RB1: variants seen among roughly 807,000 people sequenced by gnomAD.
The protein encoded by RB1 is retinoblastoma-associated protein.
RB1 carries 18 observed loss-of-function variants against 135.4 expected under a neutral mutation model. The observed-to-expected ratio is 0.13, with a 90% CI of 0.09 to 0.20. The LOEUF (loss-of-function observed/expected upper bound fraction) is 0.20, where lower values mean the gene tolerates loss of function less well. Ranked by LOEUF, RB1 falls within the 10% of genes least tolerant of loss-of-function variation. RB1 has a pLI of 1.00. For synonymous variants in RB1, 365 were observed against 373.2 expected, an observed-to-expected ratio of 0.98 and a Z score of 0.25; for missense variants, 868 against 1,110.0, an observed-to-expected ratio of 0.78 and a Z score of 3.10.
chr13:48,473,712 A>AT (rs1949486808), intron 24 of RB1, among the ~76,000 whole-genome samples: 3 of 152,022 alleles, frequency 2.0e-5, no homozygotes, highest in Admixed American at 2.0e-4. Flanking sequence ...AATGTGTGAG[A>AT]TTTTTTTCTC....
chr13:48,383,319 A>G (rs2138148410), intron 17 of RB1, among the ~76,000 whole-genome samples: 2 of 152,228 alleles, frequency 1.3e-5, no homozygotes, highest in East Asian at 3.8e-4. Flanking sequence ...ACTATTGATA[A>G]GGCTTTTGTT....
intron 17 of RB1, among the ~76,000 whole-genome samples, chr13:48,392,007 T>A (rs1052044407): frequency 2.6e-5 from 4 of 152,254 alleles, no homozygotes; most frequent in Non-Finnish European, 5.9e-5. Context: ...CCTTTATTTT[T>A]AAAAGGTCTT....
At chr13:48,344,340 C>T (rs1467669208) in intron 3 of RB1, among the ~76,000 whole-genome samples, 1 of 152,108 alleles carries the variant, frequency 6.6e-6, no homozygotes, top group African/African-American at 2.4e-5. Context: ...GAGGGTGCCA[C>T]AGGGCCCAGA....
intron 2 of RB1, among the ~76,000 whole-genome samples, chr13:48,329,969 A>C (rs1952318855): frequency 6.6e-6 from 1 of 152,190 alleles, no homozygotes; most frequent in Admixed American, 6.5e-5. Context: ...GATTGAGATA[A>C]TATCAAGCAT....
At chr13:48,322,275 A>G (rs777275915) in intron 2 of RB1, among the ~76,000 whole-genome samples, 11 of 152,186 alleles carry the variant, frequency 7.2e-5, no homozygotes, top group Non-Finnish European at 1.5e-4. Flanking sequence ...TTGTTTATAT[A>G]TACTACATTT....
At position 48,435,576 on chromosome 13, in the gene RB1, A is replaced by T. The variant is rs117454225; in HGVS notation, c.1696-17417A>T. On this transcript the variant is annotated intron_variant, in intron 17 of 26. Transcript: ENST00000267163. ...ATCCAAAAGTTTTTAATTTTCATAA[A>T]GTCCAGTTTATCACTTTTTCCTTTT... is the stretch of plus-strand genomic sequence containing the variant. Among the ~76,000 whole-genome samples, 845 of 152,276 alleles carry T rather than the reference A, an allele frequency of 5.5e-3. 5 individuals are homozygous for T. The highest frequency in any genetic ancestry group is 0.01 in the Middle Eastern group (3 of 294).
At chr13:48,308,816 G>T (rs1452904422) in intron 2 of RB1, among the ~76,000 whole-genome samples, 1 of 152,048 alleles carries the variant, frequency 6.6e-6, no homozygotes, top group African/African-American at 2.4e-5. Flanking sequence ...CTTGACCAAG[G>T]TCCCTAGGAA....
In RB1 at chr13:48,459,709, G is replaced by A. The variant is rs750578651; in HGVS notation, c.1982G>A (p.Arg661Gln). 3.7e-6 allele frequency: 6 copies of A among 1,613,604 alleles called. No individual in the cohort carries two copies. Among genetic ancestry groups the A allele is most frequent in the African/African-American group, 2.7e-5 (2 of 74,720 alleles). ...ACAGTGTATCGGCTAGCCTATCTCC[G>A]GCTAAATACACTTTGTGAACGCCTT... ...YKKVYRLAYL[R>Q]LNTLCERLLS... Residue 661 changes from arginine to glutamine, a missense_variant, in exon 20 of 27, where the codon CGG (arginine) becomes CAG (glutamine). By Grantham distance (43) the Arg-to-Gln change is conservative. Transcript: ENST00000267163.
At chr13:48,308,418 C>T (rs1014989259) in intron 2 of RB1, among the ~76,000 whole-genome samples, 5 of 151,992 alleles carry the variant, frequency 3.3e-5, no homozygotes, top group Admixed American at 6.6e-5. Context: ...CTTTGGGAGG[C>T]CCAGGCAGGT....
intron 9 of RB1, among the ~76,000 whole-genome samples, chr13:48,366,090 A>T (rs1952694299): frequency 6.6e-6 from 1 of 152,202 alleles, no homozygotes; most frequent in African/African-American, 2.4e-5. Flanking sequence ...TAAGTAATTC[A>T]TTAAGGTTGG....
chr13:48,417,789 T>G (rs1318889161), intron 17 of RB1, among the ~76,000 whole-genome samples: 4 of 151,928 alleles, frequency 2.6e-5, no homozygotes, highest in Non-Finnish European at 5.9e-5. Flanking sequence ...AGATTGAAGA[T>G]CACCTTTATG....
At chr13:48,337,864 A>G (rs750307704) in intron 2 of RB1, among the ~76,000 whole-genome samples, 1 of 152,242 alleles carries the variant, frequency 6.6e-6, no homozygotes, top group South Asian at 2.1e-4. Context: ...AGCTCTTGTA[A>G]GGCAGGCCTG....
At chr13:48,402,260 G>A (rs1948698480) in intron 17 of RB1, among the ~76,000 whole-genome samples, 1 of 151,628 alleles carries the variant, frequency 6.6e-6, no homozygotes, top group African/African-American at 2.4e-5. Flanking sequence ...TGATTTAGTT[G>A]AACCCACATA....
chr13:48,330,742 T>A (rs183130686), intron 2 of RB1, among the ~76,000 whole-genome samples: 112 of 152,294 alleles, frequency 7.4e-4, no homozygotes, highest in African/African-American at 2.6e-3. Context: ...AGAATACCAA[T>A]CCTTCTCAAA....
intron 7 of RB1, among the ~76,000 whole-genome samples, chr13:48,361,085 T>TA (rs1284274393): frequency 7.9e-5 from 12 of 151,920 alleles, no homozygotes; most frequent in African/African-American, 2.9e-4. Context: ...AAGAAAGAAA[T>TA]AAAAAAAATT....
chr13:48,381,467 AATTC>A (rs770756075), intron 17 of RB1, 24 bp downstream of exon 17: 2 of 1,608,452 alleles, frequency 1.2e-6, no homozygotes, highest in Non-Finnish European at 1.7e-6. Context: ...TAATTGAAGA[AATTC>A]ATTCATGTGC....
chr13:48,430,469 T>C (rs536283255), intron 17 of RB1, among the ~76,000 whole-genome samples: 2 of 152,210 alleles, frequency 1.3e-5, no homozygotes, highest in African/African-American at 4.8e-5. Context: ...GGCCAGGCAC[T>C]GTGGCTCATG....
At chr13:48,328,495 A>G in intron 2 of RB1, 5 of 810,058 alleles carry the variant, frequency 6.2e-6, no homozygotes, top group Non-Finnish European at 1.1e-5. Flanking sequence ...TTTCCTCTCC[A>G]TTACTCCAGC....
rs766579526 is a variant in RB1, at chr13:48,307,347, C to G, written c.205C>G (p.His69Asp). The G allele has an allele frequency of 1.9e-6, 3 of 1,610,952 alleles. No homozygotes were observed. The highest frequency in any genetic ancestry group is 3.3e-5 in the Admixed American group (2 of 59,990). Residue 69 changes from histidine (H) to aspartate (D), a missense_variant, in exon 2 of 27, where the codon CAT (histidine) becomes GAT (aspartate). Around this residue, in one of 3 missense-constraint regions of RB1, gnomAD observed 641 missense variants for 791.3 expected, o/e 0.81. Coordinates refer to ENST00000267163, the MANE Select transcript of RB1 (RefSeq NM_000321.3). The part of the protein sequence containing the change: ...ALCQKLKIPD[H>D]VRERAWLTWE... ...ATGTCAGAAATTAAAGATACCAGAT[C>G]ATGTCAGAGAGAGAGCTTGGTTAAC...
Sources: allele counts gnomAD v4.1 joint callset (sites outside exome capture counted in the v4.1 genomes callset), GRCh38; gene constraint gnomAD v4.1.1; regional missense constraint gnomAD v4.1.1; transcripts MANE v1.5; gene names NCBI Gene and HGNC (gene_info 2026-07-23, HGNC 2026-07-21).